The following YLPM1 variants were observed in gnomAD, a reference collection of about 807,000 sequenced individuals.
YLPM1 encodes the protein YLP motif containing 1, also known as YLP motif-containing protein 1.
YLPM1 carries 99 observed loss-of-function variants against 230.0 expected under a neutral mutation model. The observed-to-expected ratio is 0.43, with a 90% CI of 0.37 to 0.51. YLPM1 has a LOEUF of 0.51. Ranked by LOEUF, YLPM1 falls within the 20% of genes least tolerant of loss-of-function variation. YLPM1 has a pLI of 0.00. For missense variants in YLPM1, 2,592 were observed against 2,707.7 expected (o/e 0.96, Z 0.95); for synonymous variants, 984 against 942.5 (o/e 1.04, Z -0.81).
In YLPM1 at chr14:74,763,573, T is replaced by C; in HGVS notation, c.84T>C (p.Pro28=). 1 of 1,579,872 alleles carries C rather than the reference T, an allele frequency of 6.3e-7. No homozygotes were observed. The highest frequency in any genetic ancestry group is 1.1e-5 in the South Asian group (1 of 88,708). ...CACCGCCGCCGCCAGTGGCGCTTCCTGAGGCCTCGCCGGGGCCCGGGTACT... is the reference window on the plus strand; with the variant it reads ...CACCGCCGCCGCCAGTGGCGCTTCCCGAGGCCTCGCCGGGGCCCGGGTACT... ...PVPPPPPVAL[P]EASPGPGYSS... The change falls in exon 1 of 21, where the codon CCT becomes CCC. Residue 28 remains proline, a synonymous_variant. Coordinates refer to ENST00000325680, the MANE Select transcript of YLPM1 (RefSeq NM_019589.3).
intron 3 of YLPM1, 63 bp from the exon 4 acceptor site, chr14:74,781,271 T>TTAACC: frequency 6.9e-7 from 1 of 1,443,496 alleles, no homozygotes; most frequent in Non-Finnish European, 9.1e-7. Context: ...CATTAATATT[T>TTAACC]TAACCTATGA....
chr14:74,763,606 G>C lies in YLPM1; in HGVS notation c.117G>C (p.Ser39=), dbSNP rs777859946. The change falls in exon 1 of 21, where the codon TCG becomes TCC. Residue 39 remains serine (S), a synonymous_variant. Coordinates refer to ENST00000325680, the MANE Select transcript of YLPM1 (RefSeq NM_019589.3). ...CGCCGGGGCCCGGGTACTCGAGCTC[G>C]ACGACTCCCGCGGCCCCCTCCTCCT... ...EASPGPGYSS[S]TTPAAPSSSG... is the part of the protein sequence containing the mutation. The C allele has an allele frequency of 1.2e-4, 189 of 1,590,942 alleles. No individual in the cohort carries two copies. Among genetic ancestry groups the C allele is most frequent in the Non-Finnish European group, 1.6e-4 (183 of 1,167,912 alleles).
intron 6 of YLPM1, 63 bp downstream of exon 6, chr14:74,802,739 T>G: frequency 6.8e-7 from 1 of 1,463,470 alleles, no homozygotes; most frequent in Non-Finnish European, 9.1e-7. Flanking sequence ...CTATGTTGTT[T>G]GATTTTTTTT....
Position 74,824,316 on chromosome 14 carries a change from T to A in YLPM1, c.6163+9T>A. The A allele has an allele frequency of 6.2e-7, 1 of 1,611,564 alleles. No individual in the cohort carries two copies. Among genetic ancestry groups the A allele is most frequent in the Non-Finnish European group, 8.5e-7 (1 of 1,178,390 alleles). On this transcript the variant is annotated intron_variant, in intron 18 of 20. Coordinates refer to ENST00000325680, the MANE Select transcript of YLPM1 (RefSeq NM_019589.3). ...ATCTGAGGCAAAGCTAGGTGGGTAT[T>A]TCCTTTTTCCTGTTTTTATATGTGA...
intron 5 of YLPM1, 150 bp downstream of exon 5, chr14:74,799,847 T>G (rs1031750158): frequency 7.8e-7 from 1 of 1,282,988 alleles, no homozygotes; most frequent in African/African-American, 1.5e-5. Context: ...TCAGTGCTGT[T>G]TTAGGGTTAG....
chr14:74,781,236 C>T, intron 3 of YLPM1, 98 bp from the exon 4 acceptor site: 1 of 1,328,950 alleles, frequency 7.5e-7, no homozygotes, highest in Non-Finnish European at 1.0e-6. Flanking sequence ...GTTCTAATTT[C>T]CTAAAGCGTC....
chr14:74,768,324 A>G (rs947069627), intron 1 of YLPM1, among the ~76,000 whole-genome samples: 10 of 152,156 alleles, frequency 6.6e-5, no homozygotes, highest in African/African-American at 2.4e-4. Context: ...ATCTCGGCTC[A>G]CTGCAACTTC....
intron 4 of YLPM1, among the ~76,000 whole-genome samples, chr14:74,785,645 T>C (rs1285863525): frequency 2.0e-5 from 3 of 152,112 alleles, no homozygotes; most frequent in South Asian, 2.1e-4. Context: ...ATAACTGATA[T>C]GAGAAGCCAC....
rs1250242890 is a variant in YLPM1 at position 74,798,962 on chromosome 14, A to T, written c.3665A>T (p.Asp1222Val). 3.1e-6 allele frequency: 5 copies of T among 1,613,790 alleles called. No individual in the cohort carries two copies. The highest frequency in any genetic ancestry group is 4.2e-6 in the Non-Finnish European group (5 of 1,179,852). ...GAACGAGAAAGACTCGATGACTGGG[A>T]TAGAGAGAGATACTGGAGAGAATGT... is the stretch of plus-strand genomic sequence containing the variant. ...PMERERLDDW[D>V]RERYWRECER... Residue 1222 changes from aspartate (D) to valine (V), a missense_variant, in exon 5 of 21, where the codon GAT (aspartate) becomes GTT (valine). Coordinates refer to ENST00000325680, the MANE Select transcript of YLPM1 (RefSeq NM_019589.3).
intron 19 of YLPM1, among the ~76,000 whole-genome samples, chr14:74,833,363 C>T (rs1184649016): frequency 6.6e-6 from 1 of 152,142 alleles, no homozygotes; most frequent in African/African-American, 2.4e-5. Context: ...ATTCTCCCAC[C>T]TCATCCTCCC....
chr14:74,780,783 A>G (rs2091084747), intron 3 of YLPM1, among the ~76,000 whole-genome samples, 199 bp downstream of exon 3: 1 of 152,186 alleles, frequency 6.6e-6, no homozygotes, highest in African/African-American at 2.4e-5. Context: ...TTTCCTGATC[A>G]TGTCAACCCA....
chr14:74,820,501 A>C (rs189736336), intron 16 of YLPM1, among the ~76,000 whole-genome samples: 1 of 151,926 alleles, frequency 6.6e-6, no homozygotes, highest in Non-Finnish European at 1.5e-5. Context: ...TCCTGCCCCA[A>C]CCTCACAAAG....
At position 74,798,009 on chromosome 14, in the gene YLPM1, C is replaced by T. The variant is rs1282804995; in HGVS notation, c.2712C>T (p.Asp904=). The T allele has an allele frequency of 1.2e-5, 19 of 1,613,578 alleles. No homozygotes were observed. Among genetic ancestry groups the T allele is most frequent in the Non-Finnish European group, 1.6e-5 (19 of 1,179,756 alleles). The change falls in exon 5 of 21, where the codon GAC becomes GAT. Residue 904 remains aspartate (D), a synonymous_variant. Transcript: ENST00000325680. The part of the protein sequence containing the change: ...KAAQSNENLS[D]SQQEPPKSEV... ...CTCAGTCAAATGAGAATCTAAGCGACTCTCAACAAGAGCCACCTAAAAGTG... is the reference window on the plus strand; with the variant it reads ...CTCAGTCAAATGAGAATCTAAGCGATTCTCAACAAGAGCCACCTAAAAGTG...
At chr14:74,804,526 T>A (rs1278528568) in intron 6 of YLPM1, among the ~76,000 whole-genome samples, 1 of 152,238 alleles carries the variant, frequency 6.6e-6, no homozygotes, top group Non-Finnish European at 1.5e-5. Context: ...CGTATGCATG[T>A]TGTTCTCTAA....
At chr14:74,797,417 C>T (rs1484629789) in intron 4 of YLPM1, among the ~76,000 whole-genome samples, 163 bp from the exon 5 acceptor site, 1 of 152,088 alleles carries the variant, frequency 6.6e-6, no homozygotes, top group Non-Finnish European at 1.5e-5. Flanking sequence ...GCCACCTTAA[C>T]ATACTGGTTC....
Position 74,780,500 on chromosome 14 carries a change from T to A in YLPM1, c.1206T>A (p.Tyr402Ter). 6.2e-7 allele frequency: 1 copy of A among 1,613,924 alleles called. No individual in the cohort carries two copies. The highest frequency in any genetic ancestry group is 8.5e-7 in the Non-Finnish European group (1 of 1,179,888). ...QHQQHRVGFQ[Y>*]QGIMQKHTQL... ...AGCAGCATCGAGTCGGTTTCCAGTA[T>A]CAGGGAATAATGCAGAAGCACACTC... The change falls in exon 3 of 21, where the codon TAT (tyrosine) becomes TAA (stop). Residue 402 changes from tyrosine to a stop codon, truncating the protein, a stop_gained. Coordinates refer to ENST00000325680, the MANE Select transcript of YLPM1 (RefSeq NM_019589.3). LOFTEE classifies it high-confidence loss of function.
rs760284725 is a variant in YLPM1, at chr14:74,798,421, G to A, written c.3124G>A (p.Gly1042Ser). ...RDKGLVNRGR[G>S]QAISRGPGLV... ...TAAAGGTCTAGTAAACAGAGGTCGC[G>A]GCCAGGCAATCAGTCGAGGCCCAGG... The change falls in exon 5 of 21, where the codon GGC becomes AGC. Residue 1042 changes from glycine to serine, a missense_variant. Coordinates refer to ENST00000325680, the MANE Select transcript of YLPM1 (RefSeq NM_019589.3). 7.4e-6 allele frequency: 12 copies of A among 1,613,974 alleles called. No homozygotes were observed. Among genetic ancestry groups the A allele is most frequent in the East Asian group, 4.5e-5 (2 of 44,880 alleles).
intron 13 of YLPM1, 47 bp downstream of exon 13, chr14:74,816,737 A>G: frequency 6.4e-7 from 1 of 1,557,294 alleles, no homozygotes. Flanking sequence ...AATAGTATTT[A>G]AAGGAAAATG....
intron 12 of YLPM1, 28 bp downstream of exon 12, chr14:74,816,293 C>A: frequency 6.3e-7 from 1 of 1,593,328 alleles, no homozygotes; most frequent in Non-Finnish European, 8.6e-7. Context: ...GAAAAATCAG[C>A]TGCTTGTGCT....
Sources: allele counts gnomAD v4.1 joint callset (sites outside exome capture counted in the v4.1 genomes callset), GRCh38; gene constraint gnomAD v4.1.1; transcripts MANE v1.5; gene names NCBI Gene and HGNC (gene_info 2026-07-23, HGNC 2026-07-21).